The following WWOX variants were observed in gnomAD, a reference collection of about 807,000 sequenced individuals.
The protein encoded by WWOX is WW domain-containing oxidoreductase.
A neutral mutation model predicts 46.2 loss-of-function variants in WWOX; 69 were observed. The ratio of observed to expected loss-of-function variants is 1.49; its 90% CI spans 1.23 to 1.82. The LOEUF (loss-of-function observed/expected upper bound fraction) is 1.82. Among genes scored for constraint, WWOX ranks in the 40% most tolerant of loss-of-function variants. The pLI is 0.00. For missense variants in WWOX, 919 were observed against 542.6 expected (o/e 1.69, Z -6.89); for synonymous variants, 359 against 202.6 (o/e 1.77, Z -6.56).
Position 78,198,498 on chromosome 16 carries a change from G to A in WWOX, c.516+34209G>A, listed in dbSNP as rs28408558. Among the ~76,000 whole-genome samples the A allele has an allele frequency of 5.0e-3, 761 of 152,294 alleles. 5 individuals carry two copies. Among genetic ancestry groups the A allele is most frequent in the African/African-American group, 0.017 (719 of 41,546 alleles). On this transcript the variant is annotated intron_variant, in intron 5 of 8. Transcript: ENST00000566780. ...CCTTCAATAAATACTGATGGAGAAT[G>A]GGCTCTATGCCAGTGTTTCTCTGGA...
chr16:78,999,260 C>T (rs2047048497), intron 8 of WWOX, among the ~76,000 whole-genome samples: 2 of 151,666 alleles, frequency 1.3e-5, no homozygotes, highest in Non-Finnish European at 2.9e-5. Context: ...CATCTGAGGT[C>T]GGGAGTTCGA....
At chr16:78,227,394 C>T (rs959692282) in intron 5 of WWOX, among the ~76,000 whole-genome samples, 7 of 152,174 alleles carry the variant, frequency 4.6e-5, no homozygotes, top group Non-Finnish European at 1.0e-4. Context: ...TCCATTGGAA[C>T]ACATGGGGAC....
chr16:78,997,392 C>G (rs895006730), intron 8 of WWOX, among the ~76,000 whole-genome samples: 2 of 152,124 alleles, frequency 1.3e-5, no homozygotes, highest in African/African-American at 2.4e-5. Context: ...ATTCTTACCA[C>G]GGTGACACGC....
intron 5 of WWOX, among the ~76,000 whole-genome samples, chr16:78,269,422 G>C (rs1413516285): frequency 6.6e-6 from 1 of 152,190 alleles, no homozygotes. Flanking sequence ...CAGTCATGCT[G>C]ATGGCTCCTG....
At chr16:79,133,245 C>T (rs1296372117) in intron 8 of WWOX, among the ~76,000 whole-genome samples, 3 of 152,158 alleles carry the variant, frequency 2.0e-5, no homozygotes, top group South Asian at 2.1e-4. Context: ...TTCCTCCTGC[C>T]CTTCATCTTC....
intron 6 of WWOX, among the ~76,000 whole-genome samples, chr16:78,389,476 G>C (rs1011790806): frequency 2.6e-5 from 4 of 152,154 alleles, no homozygotes; most frequent in Admixed American, 6.5e-5. Flanking sequence ...GGGAGGGAAT[G>C]ATAATGACAA....
At chr16:78,173,393 A>C (rs768430103) in intron 5 of WWOX, among the ~76,000 whole-genome samples, 1 of 151,020 alleles carries the variant, frequency 6.6e-6, no homozygotes, top group African/African-American at 2.4e-5. Flanking sequence ...GGCTCAAGTG[A>C]TCCTCCCATC....
intron 5 of WWOX, among the ~76,000 whole-genome samples, chr16:78,247,741 G>A (rs1483849828): frequency 6.6e-6 from 1 of 152,158 alleles, no homozygotes; most frequent in Non-Finnish European, 1.5e-5. Flanking sequence ...GGTCCACACT[G>A]TGCCTACCTT....
chr16:78,890,106 C>G (rs749275202), intron 8 of WWOX: 1 of 152,118 alleles, frequency 6.6e-6, no homozygotes, highest in Non-Finnish European at 1.5e-5. Flanking sequence ...CACATGTACA[C>G]ACATACACAT....
intron 8 of WWOX, among the ~76,000 whole-genome samples, chr16:78,719,174 G>T (rs1771203631): frequency 6.6e-6 from 1 of 152,178 alleles, no homozygotes; most frequent in Non-Finnish European, 1.5e-5. Context: ...CCCAAAGCCT[G>T]TTTTCTTGCC....
intron 8 of WWOX, among the ~76,000 whole-genome samples, chr16:78,789,062 A>G (rs2050528091): frequency 6.6e-6 from 1 of 152,210 alleles, no homozygotes; most frequent in South Asian, 2.1e-4. Flanking sequence ...AAAAGTTTTA[A>G]CAACAAAAGT....
At chr16:79,081,132 C>T (rs553195618) in intron 8 of WWOX, among the ~76,000 whole-genome samples, 3 of 152,054 alleles carry the variant, frequency 2.0e-5, no homozygotes, top group Admixed American at 6.6e-5. Context: ...ATAAGAAAAT[C>T]GAGATCCAGT....
chr16:78,252,093 A>G (rs2037999428), intron 5 of WWOX, among the ~76,000 whole-genome samples: 1 of 152,184 alleles, frequency 6.6e-6, no homozygotes, highest in Non-Finnish European at 1.5e-5. Context: ...TTGACATGTC[A>G]TCAGCTATGA....
intron 8 of WWOX, among the ~76,000 whole-genome samples, chr16:78,523,147 A>G (rs571277146): frequency 1.3e-5 from 2 of 152,338 alleles, no homozygotes; most frequent in South Asian, 4.1e-4. Flanking sequence ...TCCTTCTTTG[A>G]GCAGTGGCTT....
intron 8 of WWOX, among the ~76,000 whole-genome samples, chr16:78,902,913 T>G (rs1248874931): frequency 2.6e-5 from 4 of 152,184 alleles, no homozygotes; most frequent in Non-Finnish European, 5.9e-5. Flanking sequence ...TCCTAGTGTC[T>G]TGTAAAGCTG....
intron 8 of WWOX, chr16:78,872,738 C>A (rs2044154356): frequency 6.6e-6 from 1 of 152,166 alleles, no homozygotes; most frequent in African/African-American, 2.4e-5. Flanking sequence ...CCGAAGCTGC[C>A]ATCTTGGTGG....
At chr16:78,424,753 A>G (rs977978291) in intron 6 of WWOX, 117 bp from the exon 7 acceptor site, 2 of 1,158,274 alleles carry the variant, frequency 1.7e-6, no homozygotes, top group Non-Finnish European at 1.3e-6. Context: ...CCGAAGGAGC[A>G]TGGATTATCC....
At chr16:78,493,098 A>G (rs574233866) in intron 8 of WWOX, among the ~76,000 whole-genome samples, 19 of 152,224 alleles carry the variant, frequency 1.2e-4, no homozygotes, top group East Asian at 5.8e-4. Flanking sequence ...AACTCGGGGA[A>G]TTTTAGGTTT....
chr16:78,757,083 C>G lies in WWOX; in HGVS notation c.1056+324331C>G, dbSNP rs1349103588. 3 of 699,088 alleles carry G rather than the reference C, an allele frequency of 4.3e-6. No individual in the cohort carries two copies. The South Asian group carries it at 4.5e-5, about 10-fold the overall frequency. 43.3% of individuals were successfully genotyped at this position (699,088 alleles called of 1,614,324 possible). On this transcript the variant is annotated intron_variant, in intron 8 of 8. Coordinates refer to ENST00000566780, the MANE Select transcript of WWOX (RefSeq NM_016373.4). Reference sequence around the variant, plus strand: ...AGCCTTGAGGTGATTGCAGCCTTTGCTGCAATCTTGACTGGAACTTTATTT... The same window carrying G: ...AGCCTTGAGGTGATTGCAGCCTTTGGTGCAATCTTGACTGGAACTTTATTT...
Sources: gnomAD v4.1 joint callset for allele counts (sites outside exome capture counted in the v4.1 genomes callset) on GRCh38, gnomAD v4.1.1 for gene constraint, MANE v1.5 for transcripts, NCBI Gene and HGNC (gene_info 2026-07-23, HGNC 2026-07-21) for gene names.